SHOC1: variants seen among roughly 807,000 people sequenced by gnomAD.
SHOC1 encodes shortage in chiasmata 1, also known as protein shortage in chiasmata 1 ortholog.
In SHOC1, 136 loss-of-function variants were observed where a neutral mutation model predicts 179.2. The observed-to-expected ratio is 0.76, with a 90% CI of 0.66 to 0.87. SHOC1 has a LOEUF of 0.87. Among genes scored for constraint, SHOC1 ranks in the 40% least tolerant of loss-of-function variants. The pLI is 0.00. For missense variants in SHOC1, 1,538 were observed against 1,700.8 expected, an observed-to-expected ratio of 0.90 and a Z score of 1.68; for synonymous variants, 489 against 586.6, an observed-to-expected ratio of 0.83 and a Z score of 2.41.
At chr9:111,749,371 C>T (rs1662948564) in intron 8 of SHOC1, among the ~76,000 whole-genome samples, 1 of 152,124 alleles carries the variant, frequency 6.6e-6, no homozygotes, top group African/African-American at 2.4e-5. Context: ...TTTATATTTA[C>T]TCAAACAAAG....
chr9:111,758,280 T>C, intron 6 of SHOC1, 85 bp from the exon 7 acceptor site: 1 of 732,280 alleles, frequency 1.4e-6, no homozygotes. Context: ...ATCATTAAAA[T>C]TAAAGTTGAG....
At position 111,732,439 on chromosome 9, in the gene SHOC1, CAT is replaced by C. The variant is rs1361370523; in HGVS notation, c.1418-4392_1418-4391del. On this transcript the variant is annotated intron_variant, in intron 12 of 27. Coordinates refer to ENST00000682961, the MANE Select transcript of SHOC1 (RefSeq NM_001378211.1). Reference sequence around the variant, plus strand: ...AAAAAAAATTTAAAGAGAGAAATAACATGTTTCCACAAAAAGACTTGCACAAA... The same window carrying C: ...AAAAAAAATTTAAAGAGAGAAATAACGTTTCCACAAAAAGACTTGCACAAA... 5.3e-5 allele frequency among the ~76,000 whole-genome samples: 8 copies of C among 152,198 alleles called. No homozygotes were observed. The East Asian group carries it at 1.5e-3, about 29-fold the overall frequency.
intron 15 of SHOC1, among the ~76,000 whole-genome samples, chr9:111,719,213 A>G (rs926558413): frequency 6.6e-6 from 1 of 152,194 alleles, no homozygotes. Flanking sequence ...AAAATGGAGT[A>G]CAGACTAGGA....
chr9:111,735,221 CAT>C (rs545022149), intron 12 of SHOC1, among the ~76,000 whole-genome samples: 22 of 151,834 alleles, frequency 1.4e-4, no homozygotes, highest in African/African-American at 1.7e-4. Context: ...TTCTGGGACA[CAT>C]GTGCAGAACG....
intron 16 of SHOC1, among the ~76,000 whole-genome samples, chr9:111,716,300 A>G (rs1329121942): frequency 6.6e-6 from 1 of 151,484 alleles, no homozygotes; most frequent in Admixed American, 6.6e-5. Flanking sequence ...TCACTTAACT[A>G]GGGTAAATTA....
At chr9:111,774,420 T>A (rs867405722) in intron 5 of SHOC1, among the ~76,000 whole-genome samples, 2 of 152,278 alleles carry the variant, frequency 1.3e-5, no homozygotes, top group African/African-American at 2.4e-5. Context: ...CACTTCAGCC[T>A]TACAAATAGC....
At chr9:111,754,902 T>C (rs1014042851) in intron 8 of SHOC1, among the ~76,000 whole-genome samples, 7 of 152,216 alleles carry the variant, frequency 4.6e-5, no homozygotes, top group Admixed American at 3.3e-4. Context: ...GGCAAATCTA[T>C]ATAGTTTTAC....
intron 27 of SHOC1, among the ~76,000 whole-genome samples, chr9:111,687,755 CTT>C (rs11338309): frequency 7.3e-6 from 1 of 136,908 alleles, no homozygotes; most frequent in African/African-American, 3.2e-5. Context: ...TCTTCTTCTT[CTT>C]TTTTTTTTTC....
intron 17 of SHOC1, among the ~76,000 whole-genome samples, chr9:111,713,964 C>A (rs988035286): frequency 2.6e-5 from 4 of 152,094 alleles, no homozygotes; most frequent in African/African-American, 9.7e-5. Flanking sequence ...GACAAAATTT[C>A]TGACAATTGG....
rs1334598201 is a variant in SHOC1 at position 111,694,466 on chromosome 9, TTCTA to T, written c.3184-108_3184-105del. On this transcript the variant is annotated intron_variant, in intron 24 of 27. Transcript: ENST00000682961. ...GAAGATAAAATTAAACAACAGCAGATTCTATCTAATTTTAGATAGAAACTATTGG... is the reference window on the plus strand; with the variant it reads ...GAAGATAAAATTAAACAACAGCAGATTCTAATTTTAGATAGAAACTATTGG... The T allele has an allele frequency of 5.2e-6, 4 of 764,868 alleles. No individual in the cohort carries two copies. The South Asian group carries it at 7.5e-5, about 14-fold the overall frequency. The allele number at this position is 764,868 out of a possible 1,614,324, so 47.4% of individuals were successfully genotyped here. A position where few individuals can be genotyped will look rare whatever the true frequency, so the allele number is the denominator to read the frequency against.
chr9:111,720,904 TG>T (rs1354581485), intron 15 of SHOC1, among the ~76,000 whole-genome samples: 1 of 152,202 alleles, frequency 6.6e-6, no homozygotes, highest in African/African-American at 2.4e-5. Context: ...ATTCTGGGTT[TG>T]TTTTGATTTA....
chr9:111,774,172 A>C (rs915797486), intron 5 of SHOC1, among the ~76,000 whole-genome samples: 11 of 152,204 alleles, frequency 7.2e-5, no homozygotes, highest in African/African-American at 2.6e-4. Flanking sequence ...CATCTCTTTA[A>C]ATATACTTAT....
At chr9:111,706,044 C>T (rs1462329747) in intron 20 of SHOC1, among the ~76,000 whole-genome samples, 1 of 152,056 alleles carries the variant, frequency 6.6e-6, no homozygotes, top group African/African-American at 2.4e-5. Flanking sequence ...GATGCACTCT[C>T]ACACTGAGTG....
Position 111,691,884 on chromosome 9 carries a change from A to G in SHOC1, c.4093T>C (p.Trp1365Arg). 6.2e-7 allele frequency: 1 copy of G among 1,613,868 alleles called. No homozygotes were observed. Among genetic ancestry groups the G allele is most frequent in the Non-Finnish European group, 8.5e-7 (1 of 1,179,932 alleles). ...PLHWNFKKNI[W>R]EQENHPFNLQ... Reference sequence around the variant, plus strand: ...TTGAACGGGTGATTCTCTTGTTCCCATATATTTTTCTTAAAGTTCCAATGA... The same window carrying G: ...TTGAACGGGTGATTCTCTTGTTCCCGTATATTTTTCTTAAAGTTCCAATGA... Residue 1365 changes from tryptophan (W) to arginine (R), a missense_variant, in exon 27 of 28, where the codon TGG becomes CGG. Physicochemically the swap from Trp to Arg is moderately radical, Grantham distance 101. Transcript: ENST00000682961.
At chr9:111,748,015 T>C in intron 9 of SHOC1, 77 bp downstream of exon 9, 2 of 913,886 alleles carry the variant, frequency 2.2e-6, no homozygotes, top group Admixed American at 1.8e-5. Flanking sequence ...CAGTACACTG[T>C]ATATGTGAAT....
chr9:111,718,491 A>C (rs534043665), intron 15 of SHOC1, among the ~76,000 whole-genome samples: 1 of 152,186 alleles, frequency 6.6e-6, no homozygotes, highest in Non-Finnish European at 1.5e-5. Flanking sequence ...TTTATGAATG[A>C]GGAAATAGTA....
chr9:111,749,893 A>T (rs1015398589), intron 8 of SHOC1, among the ~76,000 whole-genome samples: 1 of 152,164 alleles, frequency 6.6e-6, no homozygotes, highest in African/African-American at 2.4e-5. Flanking sequence ...CATGGTGTAT[A>T]TGTACCACAT....
At chr9:111,761,253 G>C (rs1201363958) in intron 5 of SHOC1, among the ~76,000 whole-genome samples, 1 of 152,198 alleles carries the variant, frequency 6.6e-6, no homozygotes, top group Non-Finnish European at 1.5e-5. Context: ...TGTAATCCCA[G>C]CACTTTGGGA....
intron 16 of SHOC1, among the ~76,000 whole-genome samples, chr9:111,715,254 C>G (rs1800310253): frequency 6.6e-6 from 1 of 152,070 alleles, no homozygotes; most frequent in Non-Finnish European, 1.5e-5. Context: ...AGAGTTACCA[C>G]CAGAGCACCT....
Sources: gnomAD v4.1 joint callset for allele counts (sites outside exome capture counted in the v4.1 genomes callset) on GRCh38, gnomAD v4.1.1 for gene constraint, MANE v1.5 for transcripts, NCBI Gene and HGNC (gene_info 2026-07-23, HGNC 2026-07-21) for gene names.